The following ARMC10 variants were observed in gnomAD, a reference collection of about 807,000 sequenced individuals.
The protein encoded by ARMC10 is armadillo repeat-containing protein 10.
Under a neutral mutation model 30.2 loss-of-function variants are expected in ARMC10, and 23 were observed. The observed-to-expected ratio is 0.76, with a 90% CI of 0.55 to 1.08. ARMC10 has a LOEUF of 1.08. Ranked by LOEUF, ARMC10 falls within the 50% of genes least tolerant of loss-of-function variation. ARMC10 has a pLI of 0.00. For synonymous variants in ARMC10, 111 were observed against 164.4 expected, an observed-to-expected ratio of 0.68 and a Z score of 2.48; for missense variants, 303 against 413.7, an observed-to-expected ratio of 0.73 and a Z score of 2.32.
Position 103,083,679 on chromosome 7 carries a change from C to T in ARMC10, c.245-3C>T. 1.2e-6 allele frequency: 2 copies of T among 1,601,950 alleles called. No homozygotes were observed. The highest frequency in any genetic ancestry group is 1.1e-5 in the South Asian group (1 of 89,882). ...AACTTCAAATAACTTTCTTCTTATG[C>T]AGAAGACTTAACTGATGGTTCATAT... On this transcript the variant is annotated splice_region_variant and splice_polypyrimidine_tract_variant and intron_variant, in intron 2 of 6. Transcript: ENST00000323716.
At position 103,079,577 on chromosome 7, in the gene ARMC10, A is replaced by G. The variant is rs553888488; in HGVS notation, c.244+3696A>G. On this transcript the variant is annotated intron_variant, in intron 2 of 6. Transcript: ENST00000323716. ...ATAGCTTGATAAGAAAACAACATGC[A>G]TAAATATTGGAGGCAGAATTATAAT... 1.3e-4 allele frequency among the ~76,000 whole-genome samples: 20 copies of G among 152,342 alleles called. No homozygotes were observed. In the South Asian group the frequency reaches 4.1e-3, roughly 32 times the overall value.
intron 6 of ARMC10, among the ~76,000 whole-genome samples, chr7:103,097,739 G>A (rs952459407): frequency 1.3e-5 from 2 of 152,126 alleles, no homozygotes; most frequent in Admixed American, 6.6e-5. Context: ...AGCGTGACAT[G>A]GTACATGTCC....
chr7:103,084,009 T>C lies in ARMC10; in HGVS notation c.393+179T>C, dbSNP rs1281255461. ...TGAAAAACACAGCCTAATAGTGATA[T>C]GATTATTAATGTGATTATAGATCCC... is the stretch of plus-strand genomic sequence containing the variant. On this transcript the variant is annotated intron_variant, in intron 3 of 6. Coordinates refer to ENST00000323716, the MANE Select transcript of ARMC10 (RefSeq NM_031905.5). 4 of 1,507,396 alleles carry C rather than the reference T, an allele frequency of 2.7e-6. No individual in the cohort carries two copies. In the African/African-American group the frequency reaches 4.2e-5, roughly 16 times the overall value. 93.4% of individuals were successfully genotyped at this position (1,507,396 alleles called of 1,614,324 possible). A position where few individuals can be genotyped will look rare whatever the true frequency, so the allele number is the denominator to read the frequency against.
intron 6 of ARMC10, among the ~76,000 whole-genome samples, chr7:103,097,851 C>T (rs2129524734): frequency 6.6e-6 from 1 of 152,280 alleles, no homozygotes; most frequent in Non-Finnish European, 1.5e-5. Context: ...TAGAATGGAG[C>T]TCCACTCCTG....
chr7:103,088,965 G>T (rs118186891), intron 4 of ARMC10: 2,153 of 152,924 alleles, frequency 0.014, 17 homozygotes, highest in Non-Finnish European at 0.021. Flanking sequence ...TATTTACTAA[G>T]ATTTATATTA....
intron 3 of ARMC10, among the ~76,000 whole-genome samples, chr7:103,084,846 A>G (rs1173632497): frequency 6.6e-6 from 1 of 152,210 alleles, no homozygotes; most frequent in East Asian, 1.9e-4. Context: ...TTGTTCTTCT[A>G]GGATCCAGTG....
Position 103,086,617 on chromosome 7 carries a change from TTTC to T in ARMC10, c.394-12_394-10del. On this transcript the variant is annotated splice_polypyrimidine_tract_variant and intron_variant, in intron 3 of 6. Coordinates refer to ENST00000323716, the MANE Select transcript of ARMC10 (RefSeq NM_031905.5). Reference sequence around the variant, plus strand: ...GTCCCAGTCCTGCTTTTTTTTTTTTTTTCCCCTCGTAGGCTATTATTCGTGAAT... The same window carrying T: ...GTCCCAGTCCTGCTTTTTTTTTTTTTCCCTCGTAGGCTATTATTCGTGAAT... 3.8e-6 allele frequency: 6 copies of T among 1,580,660 alleles called. No individual in the cohort carries two copies. Among genetic ancestry groups the T allele is most frequent in the Admixed American group, 4.0e-5 (2 of 49,508 alleles).
intron 3 of ARMC10, among the ~76,000 whole-genome samples, chr7:103,085,841 C>T (rs1800799858): frequency 6.6e-6 from 1 of 152,096 alleles, no homozygotes; most frequent in African/African-American, 2.4e-5. Context: ...TCTCTACCTC[C>T]TCACCTCAAG....
chr7:103,084,297 A>AC (rs1293676899), intron 3 of ARMC10, among the ~76,000 whole-genome samples: 2 of 152,234 alleles, frequency 1.3e-5, no homozygotes, highest in Non-Finnish European at 2.9e-5. Context: ...TAAAGAGCTT[A>AC]ATTTGAACAT....
intron 3 of ARMC10, 93 bp downstream of exon 3, chr7:103,083,923 TCA>T: frequency 1.3e-6 from 2 of 1,524,436 alleles, no homozygotes; most frequent in Non-Finnish European, 1.8e-6. Flanking sequence ...TCTCAGACCC[TCA>T]ATTTCCTCAT....
At chr7:103,075,737 G>A in intron 1 of ARMC10, 40 bp from the exon 2 acceptor site, 1 of 1,469,434 alleles carries the variant, frequency 6.8e-7, no homozygotes, top group South Asian at 1.3e-5. Context: ...TGGAAGGGCT[G>A]TTGAGGGGCC....
intron 1 of ARMC10, 147 bp downstream of exon 1, chr7:103,075,558 CG>C: frequency 9.9e-7 from 1 of 1,011,154 alleles, no homozygotes. Context: ...GGTGCTGCGC[CG>C]CCCCCGCCGC....
intron 2 of ARMC10, among the ~76,000 whole-genome samples, chr7:103,079,046 G>A (rs1161565767): frequency 1.3e-5 from 2 of 152,090 alleles, no homozygotes; most frequent in South Asian, 2.1e-4. Flanking sequence ...TACTAACGTG[G>A]TTTGAGAGCA....
At chr7:103,086,830 T>C (rs558324332) in intron 4 of ARMC10, 66 bp downstream of exon 4, 1 of 1,565,588 alleles carries the variant, frequency 6.4e-7, no homozygotes, top group African/African-American at 1.4e-5. Flanking sequence ...AAAAGATGAG[T>C]AATGAAACTT....
At chr7:103,083,532 A>G (rs1478197038) in intron 2 of ARMC10, 150 bp from the exon 3 acceptor site, 9 of 662,600 alleles carry the variant, frequency 1.4e-5, no homozygotes, top group Non-Finnish European at 2.5e-6. Flanking sequence ...AGGCTGAGGC[A>G]GGAAGATCAC....
At chr7:103,097,904 C>T (rs76008327) in intron 6 of ARMC10, among the ~76,000 whole-genome samples, 1,680 of 152,306 alleles carry the variant, frequency 0.011, 35 homozygotes, top group African/African-American at 0.039. Context: ...CCCTATTCCC[C>T]ACCCAGCTCT....
intron 2 of ARMC10, among the ~76,000 whole-genome samples, chr7:103,078,772 G>A (rs940585673): frequency 2.0e-5 from 3 of 152,052 alleles, no homozygotes; most frequent in Non-Finnish European, 4.4e-5. Flanking sequence ...CCCTTTGGGA[G>A]GCTGAGGTGG....
chr7:103,080,042 G>A (rs1477311401), intron 2 of ARMC10, among the ~76,000 whole-genome samples: 1 of 152,008 alleles, frequency 6.6e-6, no homozygotes, highest in East Asian at 1.9e-4. Flanking sequence ...ATTTACTGGA[G>A]GAGACCACAA....
In ARMC10 at chr7:103,095,227, G is replaced by C. The variant is rs559252047; in HGVS notation, c.706-2050G>C. Among the ~76,000 whole-genome samples, 5 of 152,224 alleles carry C rather than the reference G, an allele frequency of 3.3e-5. No homozygotes were observed. In the East Asian group the frequency reaches 9.7e-4, roughly 29 times the overall value. ...ACAATCCTCCTACCTCAGCCTCCCTGGGACTTTGGTCACATGCCACCACGC... is the reference window on the plus strand; with the variant it reads ...ACAATCCTCCTACCTCAGCCTCCCTCGGACTTTGGTCACATGCCACCACGC... On this transcript the variant is annotated intron_variant, in intron 5 of 6. Transcript: ENST00000323716.
Sources: allele counts gnomAD v4.1 joint callset (sites outside exome capture counted in the v4.1 genomes callset), GRCh38; gene constraint gnomAD v4.1.1; transcripts MANE v1.5; gene names NCBI Gene and HGNC (gene_info 2026-07-23, HGNC 2026-07-21).